Variants in LRRN4 observed in about 807,000 individuals in gnomAD.
LRRN4 encodes the protein leucine rich repeat neuronal 4.
LRRN4 carries 26 observed loss-of-function variants against 22.3 expected under a neutral mutation model. The ratio of observed to expected loss-of-function variants is 1.16; its 90% confidence interval spans 0.85 to 1.62. LRRN4 has a LOEUF of 1.62. LRRN4 is among the 40% of genes most tolerant of loss of function. The pLI, the probability that LRRN4 is intolerant of heterozygous loss-of-function variation, is 0.00. For synonymous variants in LRRN4, 496 were observed against 486.2 expected (o/e 1.02, Z -0.26); for missense variants, 1,070 against 1,008.5 (o/e 1.06, Z -0.83).
At position 6,052,483 on chromosome 20, in the gene LRRN4, A is replaced by T. The variant is rs1443672738; in HGVS notation, c.317T>A (p.Leu106Gln). ...GHLEQLQVLT[L>Q]RHNRIAALRW... ...CAGCGCGGCGATGCGGTTGTGGCGC[A>T]GGGTCAGCACCTGCAGCTGCTCCAG... Residue 106 changes from leucine to glutamine, a missense_variant, in exon 2 of 5, where the codon CTG (leucine) becomes CAG (glutamine). Leu to Gln is a moderately radical substitution (Grantham distance 113). Coordinates refer to ENST00000378858, the MANE Select transcript of LRRN4 (RefSeq NM_152611.5). The T allele has an allele frequency of 1.3e-6, 2 of 1,572,822 alleles. No individual in the cohort carries two copies. Among genetic ancestry groups the T allele is most frequent in the Middle Eastern group, 1.8e-4 (1 of 5,480 alleles).
chr20:6,047,649 GGT>G (rs1243591480), intron 3 of LRRN4, among the ~76,000 whole-genome samples: 5 of 143,500 alleles, frequency 3.5e-5, no homozygotes, highest in Admixed American at 2.7e-4. Flanking sequence ...AAAATAGCTG[GGT>G]GTGGTGGCGT....
chr20:6,052,265 A>G lies in LRRN4; in HGVS notation c.535T>C (p.Cys179Arg), dbSNP rs764572078. ...FPALQLLNLSCTALGRGAQGG... is the reference protein window; with the variant it reads ...FPALQLLNLSRTALGRGAQGG... ...TGGGCTCCGCGACCCAGCGCGGTGC[A>G]GGAGAGGTTGAGGAGCTGCAGCGCG... is the stretch of plus-strand genomic sequence containing the variant. The change falls in exon 2 of 5, where the codon TGC becomes CGC. Residue 179 changes from cysteine to arginine, a missense_variant. Physicochemically the swap from Cys to Arg is radical, Grantham distance 180. Transcript: ENST00000378858. 1 of 1,552,394 alleles carries G rather than the reference A, an allele frequency of 6.4e-7. No individual in the cohort carries two copies. Among genetic ancestry groups the G allele is most frequent in the South Asian group, 1.2e-5 (1 of 84,340 alleles).
intron 3 of LRRN4, among the ~76,000 whole-genome samples, chr20:6,046,162 A>G (rs6053843): frequency 0.35 from 52,147 of 147,358 alleles, 12,015 homozygotes; most frequent in East Asian, 0.45. Flanking sequence ...AAATTTAACA[A>G]TTGGCCAGGC....
Position 6,052,654 on chromosome 20 carries a change from T to C in LRRN4, c.146A>G (p.Glu49Gly), listed in dbSNP as rs1172417142. ...SGSNATDSPC[E>G]GLPAADATAL... The stretch of plus-strand genomic sequence containing the variant: ...CGTCGCATCCGCGGCGGGCAGCCCC[T>C]CGCAGGGCGAGTCGGTGGCGTTGCT... The change falls in exon 2 of 5, where the codon GAG becomes GGG. Residue 49 changes from glutamate to glycine, a missense_variant. By Grantham distance (98) the Glu-to-Gly change is moderately conservative. Coordinates refer to ENST00000378858, the MANE Select transcript of LRRN4 (RefSeq NM_152611.5). 2 of 1,583,736 alleles carry C rather than the reference T, an allele frequency of 1.3e-6. No individual in the cohort carries two copies. The highest frequency in any genetic ancestry group is 1.3e-5 in the African/African-American group (1 of 74,646).
intron 4 of LRRN4, among the ~76,000 whole-genome samples, chr20:6,043,706 G>A (rs941025822): frequency 1.3e-5 from 2 of 152,030 alleles, no homozygotes; most frequent in African/African-American, 4.8e-5. Flanking sequence ...AGGAGTTTGA[G>A]AACAGCCTGG....
At chr20:6,047,265 C>T (rs2123055086) in intron 3 of LRRN4, among the ~76,000 whole-genome samples, 1 of 152,194 alleles carries the variant, frequency 6.6e-6, no homozygotes, top group Admixed American at 6.5e-5. Context: ...TCCATTTGCT[C>T]TCCTGAATAA....
At chr20:6,052,949 A>C in intron 1 of LRRN4, 145 bp from the exon 2 acceptor site, 1 of 879,684 alleles carries the variant, frequency 1.1e-6, no homozygotes, top group Non-Finnish European at 1.7e-6. Context: ...ACGTTCCCAG[A>C]GTCGCCTAGT....
Position 6,044,617 on chromosome 20 carries a change from G to C in LRRN4, c.924C>G (p.Leu308=). Residue 308 remains leucine (L), a synonymous_variant, in exon 4 of 5, where the codon CTC becomes CTG. Coordinates refer to ENST00000378858, the MANE Select transcript of LRRN4 (RefSeq NM_152611.5). Reference sequence around the variant, plus strand: ...AACTGCAAGTGAGGGGGTTGCCAAAGAGGTTGATCGATAGGACCTGGGAGG... The same window carrying C: ...AACTGCAAGTGAGGGGGTTGCCAAACAGGTTGATCGATAGGACCTGGGAGG... ...LDSSQVLSIN[L]FGNPLTCSCD... 1 of 1,597,716 alleles carries C rather than the reference G, an allele frequency of 6.3e-7. No homozygotes were observed. The highest frequency in any genetic ancestry group is 8.5e-7 in the Non-Finnish European group (1 of 1,172,156).
chr20:6,043,951 G>A (rs1981039399), intron 4 of LRRN4, among the ~76,000 whole-genome samples: 1 of 152,058 alleles, frequency 6.6e-6, no homozygotes, highest in African/African-American at 2.4e-5. Context: ...GTGGTGAGGG[G>A]GGTTGCCTCC....
chr20:6,052,007 T>C, intron 2 of LRRN4, 138 bp downstream of exon 2: 1 of 1,039,920 alleles, frequency 9.6e-7, no homozygotes, highest in Non-Finnish European at 1.3e-6. Context: ...AAAATGTAGC[T>C]GGTGTCTTTT....
chr20:6,044,837 G>A (rs560867815), intron 3 of LRRN4, among the ~76,000 whole-genome samples, 157 bp from the exon 4 acceptor site: 2 of 152,130 alleles, frequency 1.3e-5, no homozygotes, highest in Non-Finnish European at 2.9e-5. Flanking sequence ...TAATGACCTC[G>A]AACTTCATTT....
In LRRN4 at chr20:6,041,202, C is replaced by A. The variant is rs142765128; in HGVS notation, c.2043G>T (p.Ala681=). 10 of 1,588,772 alleles carry A rather than the reference C, an allele frequency of 6.3e-6. No homozygotes were observed. In the East Asian group the frequency reaches 1.6e-4, roughly 25 times the overall value. ...CGGCGCACAGCCCAGAGAGCAGGAG[C>A]GCGAAGCTGGGCTTGGTGGTGAAGG... The part of the protein sequence containing the change: ...CAAFTTKPSF[A]LLLSGLCAAS... Residue 681 remains alanine, a synonymous_variant, in exon 5 of 5, where the codon GCG becomes GCT. Transcript: ENST00000378858. This position sits in a 1 kb window ranked among gnomAD's most constrained non-coding sequence, Gnocchi z 9.4.
intron 3 of LRRN4, among the ~76,000 whole-genome samples, chr20:6,048,429 C>T (rs760968656): frequency 7.2e-5 from 11 of 152,300 alleles, no homozygotes; most frequent in Non-Finnish European, 1.3e-4. Flanking sequence ...GACTCTCCTC[C>T]TCCAAGCTTC....
chr20:6,048,057 C>T (rs1981151500), intron 3 of LRRN4, among the ~76,000 whole-genome samples: 1 of 152,108 alleles, frequency 6.6e-6, no homozygotes, highest in African/African-American at 2.4e-5. Context: ...TCTTCCACCC[C>T]TTTCACCTGG....
At chr20:6,048,787 C>T (rs1284576475) in intron 3 of LRRN4, among the ~76,000 whole-genome samples, 2 of 152,152 alleles carry the variant, frequency 1.3e-5, no homozygotes, top group Non-Finnish European at 2.9e-5. Context: ...GCTGGAGATA[C>T]TCAACTAAGC....
At position 6,041,810 on chromosome 20, in the gene LRRN4, C is replaced by A. The variant is rs1361134751; in HGVS notation, c.1435G>T (p.Ala479Ser). The change falls in exon 5 of 5, where the codon GCC (alanine) becomes TCC (serine). Residue 479 changes from alanine to serine, a missense_variant. Transcript: ENST00000378858. The surrounding 1 kb of genome is among the most constrained non-coding windows in gnomAD (Gnocchi z 9.4). Reference sequence around the variant, plus strand: ...GGGAAGGGGCCCAGGAGCTTGCTGGCCAGTGGGGTGGAGGCAGCTGAGATA... The same window carrying A: ...GGGAAGGGGCCCAGGAGCTTGCTGGACAGTGGGGTGGAGGCAGCTGAGATA... ...PDISAASTPL[A>S]SKLLGPFPTS... is the part of the protein sequence containing the mutation. The A allele has an allele frequency of 6.2e-7, 1 of 1,614,116 alleles. No homozygotes were observed. The highest frequency in any genetic ancestry group is 8.5e-7 in the Non-Finnish European group (1 of 1,179,994).
rs753809512 is a variant in LRRN4 at position 6,041,430 on chromosome 20, C to T, written c.1815G>A (p.Ser605=). 1.9e-6 allele frequency: 3 copies of T among 1,555,246 alleles called. No homozygotes were observed. The highest frequency in any genetic ancestry group is 3.8e-5 in the Admixed American group (2 of 52,770). ...SALVHWCAPN[S]VVHGYQIRYS... ...AGCGGATCTGGTACCCATGCACTACCGAGTTGGGGGCACACCAGTGGACCA... is the reference window on the plus strand; with the variant it reads ...AGCGGATCTGGTACCCATGCACTACTGAGTTGGGGGCACACCAGTGGACCA... Residue 605 remains serine (S), a synonymous_variant, in exon 5 of 5, where the codon TCG becomes TCA. Transcript: ENST00000378858. The surrounding 1 kb of genome is among the most constrained non-coding windows in gnomAD (Gnocchi z 9.4).
At chr20:6,052,114 C>T (rs921916216) in intron 2 of LRRN4, 31 bp downstream of exon 2, 1 of 1,559,552 alleles carries the variant, frequency 6.4e-7, no homozygotes, top group Admixed American at 1.9e-5. Flanking sequence ...TGCGCTCAGG[C>T]CGGCTGAAAA....
chr20:6,044,607 G>A lies in LRRN4; in HGVS notation c.934C>T (p.Pro312Ser). The A allele has an allele frequency of 1.3e-6, 2 of 1,595,382 alleles. No individual in the cohort carries two copies. Among genetic ancestry groups the A allele is most frequent in the Admixed American group, 1.7e-5 (1 of 57,512 alleles). Reference sequence around the variant, plus strand: ...GACAAGTCACAACTGCAAGTGAGGGGGTTGCCAAAGAGGTTGATCGATAGG... The same window carrying A: ...GACAAGTCACAACTGCAAGTGAGGGAGTTGCCAAAGAGGTTGATCGATAGG... ...QVLSINLFGN[P>S]LTCSCDLSWL... The change falls in exon 4 of 5, where the codon CCC becomes TCC. Residue 312 changes from proline (P) to serine (S), a missense_variant. Physicochemically the swap from Pro to Ser is moderately conservative, Grantham distance 74 (BLOSUM62 -1). Transcript: ENST00000378858.
Sources: gnomAD v4.1 joint callset for allele counts (sites outside exome capture counted in the v4.1 genomes callset) on GRCh38, gnomAD v4.1.1 for gene constraint, Gnocchi (gnomAD v3.1) non-coding constraint, MANE v1.5 for transcripts, NCBI Gene and HGNC (gene_info 2026-07-23, HGNC 2026-07-21) for gene names.